Variants in LTBP1 observed in about 807,000 individuals in gnomAD.
LTBP1 encodes latent transforming growth factor beta binding protein 1.
Under a neutral mutation model 207.6 loss-of-function variants are expected in LTBP1, and 129 were observed. That is an observed-to-expected ratio of 0.62 (90% CI 0.54 to 0.72). LTBP1 has a LOEUF of 0.72. Ranked by LOEUF, LTBP1 falls within the 30% of genes least tolerant of loss-of-function variation. The pLI is 0.00. For synonymous variants in LTBP1, 963 were observed against 833.7 expected, an observed-to-expected ratio of 1.16 and a Z score of -2.67; for missense variants, 2,281 against 2,217.2, an observed-to-expected ratio of 1.03 and a Z score of -0.58.
At chr2:33,132,651 C>G (rs2081880813) in intron 4 of LTBP1, among the ~76,000 whole-genome samples, 1 of 152,200 alleles carries the variant, frequency 6.6e-6, no homozygotes, top group East Asian at 1.9e-4. Context: ...TGCTTGGCCA[C>G]TAGGACATCT....
chr2:32,953,075 C>T (rs1191009944), intron 2 of LTBP1, among the ~76,000 whole-genome samples: 1 of 152,210 alleles, frequency 6.6e-6, no homozygotes, highest in African/African-American at 2.4e-5. Context: ...TAGAAAGAAA[C>T]AGAAAATCGA....
At chr2:33,190,244 T>G (rs1476822515) in intron 7 of LTBP1, among the ~76,000 whole-genome samples, 2 of 152,238 alleles carry the variant, frequency 1.3e-5, no homozygotes, top group Non-Finnish European at 2.9e-5. Context: ...GTTTCCCTCC[T>G]GTCTTTTGGT....
rs754413935 is a variant in LTBP1 at position 33,275,808 on chromosome 2, C to T, written c.2877C>T (p.Asp959=). The change falls in exon 18 of 34, where the codon GAC becomes GAT. Residue 959 remains aspartate (D), a synonymous_variant. Coordinates refer to ENST00000404816, the MANE Select transcript of LTBP1 (RefSeq NM_206943.4). ...SEEGTNCIDV[D]ECLRPDVCGE... ...GCTATCTGCTCTTCGTAGATGTTGA[C>T]GAATGCCTGAGGCCGGACGTCTGTG... The T allele has an allele frequency of 2.3e-5, 37 of 1,614,002 alleles. No homozygotes were observed. The highest frequency in any genetic ancestry group is 3.3e-4 in the Middle Eastern group (2 of 6,060).
chr2:33,109,714 C>A (rs1363743515), intron 3 of LTBP1, among the ~76,000 whole-genome samples: 2 of 152,142 alleles, frequency 1.3e-5, no homozygotes, highest in Non-Finnish European at 2.9e-5. Flanking sequence ...TGAGACACAG[C>A]ATAAAAAATT....
At chr2:33,025,436 C>T (rs558325053) in intron 3 of LTBP1, among the ~76,000 whole-genome samples, 1 of 152,102 alleles carries the variant, frequency 6.6e-6, no homozygotes, top group South Asian at 2.1e-4. Context: ...CAAAAAGACA[C>T]AAAATAGAGA....
At chr2:33,365,577 A>G in intron 31 of LTBP1, 74 bp downstream of exon 31, 1 of 1,442,694 alleles carries the variant, frequency 6.9e-7, no homozygotes, top group Non-Finnish European at 9.6e-7. Context: ...GTAGCCTGAC[A>G]TTTCTCTTCT....
chr2:33,160,055 T>G (rs2084325594), intron 5 of LTBP1, among the ~76,000 whole-genome samples: 1 of 152,070 alleles, frequency 6.6e-6, no homozygotes, highest in Non-Finnish European at 1.5e-5. Flanking sequence ...ATTTCTGTAT[T>G]TTTGGTAGAG....
At chr2:33,201,650 GAAAA>G (rs756094725) in intron 7 of LTBP1, among the ~76,000 whole-genome samples, 1 of 146,910 alleles carries the variant, frequency 6.8e-6, no homozygotes, top group Non-Finnish European at 1.5e-5. Context: ...AAAAGAAGAA[GAAAA>G]AAAAAGAAAC....
At chr2:33,206,270 G>C (rs1394867981) in intron 7 of LTBP1, among the ~76,000 whole-genome samples, 1 of 152,142 alleles carries the variant, frequency 6.6e-6, no homozygotes, top group Non-Finnish European at 1.5e-5. Flanking sequence ...GTAATTATTA[G>C]TTTTGAGTTC....
chr2:33,179,883 TG>T (rs2086444291), intron 5 of LTBP1, among the ~76,000 whole-genome samples: 1 of 152,208 alleles, frequency 6.6e-6, no homozygotes, highest in Non-Finnish European at 1.5e-5. Context: ...TTTTACAGAC[TG>T]CCTTATATCC....
chr2:33,000,773 C>T (rs1685971096), intron 2 of LTBP1, among the ~76,000 whole-genome samples: 1 of 133,914 alleles, frequency 7.5e-6, no homozygotes, highest in African/African-American at 2.6e-5. Flanking sequence ...AAACTGTGTT[C>T]TCAGAAACCC....
At chr2:33,095,142 G>C (rs1229509122) in intron 3 of LTBP1, among the ~76,000 whole-genome samples, 1 of 152,076 alleles carries the variant, frequency 6.6e-6, no homozygotes, top group African/African-American at 2.4e-5. Context: ...TTGAATAAAG[G>C]AAATGTGTTT....
chr2:33,132,429 G>A (rs1312422094), intron 4 of LTBP1, among the ~76,000 whole-genome samples: 1 of 152,212 alleles, frequency 6.6e-6, no homozygotes, highest in African/African-American at 2.4e-5. Flanking sequence ...TTGGAACACA[G>A]CCATGCCCAC....
intron 18 of LTBP1, among the ~76,000 whole-genome samples, chr2:33,277,763 T>TTCTTTCTTTCTTTCTTTC (rs1256831904): frequency 3.6e-5 from 1 of 27,806 alleles, no homozygotes; most frequent in African/African-American, 9.1e-5. Flanking sequence ...TTTTTTCCCT[T>TTCTTTCTTTCTTTCTTTC]TCTTTCTTTC....
intron 31 of LTBP1, among the ~76,000 whole-genome samples, chr2:33,374,430 C>T (rs939811580): frequency 1.3e-5 from 2 of 152,110 alleles, no homozygotes; most frequent in South Asian, 4.1e-4. Flanking sequence ...ATCATAGATC[C>T]TGAACATTAT....
chr2:33,197,804 G>A (rs138626806), intron 7 of LTBP1, among the ~76,000 whole-genome samples: 470 of 152,256 alleles, frequency 3.1e-3, no homozygotes, highest in Admixed American at 9.0e-3. Flanking sequence ...CCTGCCCACT[G>A]CCTCGTTGCA....
At chr2:33,058,905 G>T (rs556948584) in intron 3 of LTBP1, among the ~76,000 whole-genome samples, 22 of 152,298 alleles carry the variant, frequency 1.4e-4, no homozygotes, top group African/African-American at 4.3e-4. Context: ...GCAGTGCTGC[G>T]GGAGAGGTTG....
At chr2:33,337,186 G>A (rs2094563124) in intron 24 of LTBP1, among the ~76,000 whole-genome samples, 1 of 152,114 alleles carries the variant, frequency 6.6e-6, no homozygotes, top group Non-Finnish European at 1.5e-5. Flanking sequence ...GAGTGCATGG[G>A]TTCGAGTTCT....
rs200435579 is a variant in LTBP1, at chr2:32,990,352, A to G, written c.566-30557A>G. Reference sequence around the variant, plus strand: ...CAGATGTCAACATAGTGATGACTTTATCTCAAATTACATGGAAGCAAAGCG... The same window carrying G: ...CAGATGTCAACATAGTGATGACTTTGTCTCAAATTACATGGAAGCAAAGCG... On this transcript the variant is annotated intron_variant, in intron 2 of 33. Coordinates refer to ENST00000404816, the MANE Select transcript of LTBP1 (RefSeq NM_206943.4). 2.0e-5 allele frequency among the ~76,000 whole-genome samples: 3 copies of G among 152,222 alleles called. No homozygotes were observed. The East Asian group carries it at 5.8e-4, about 29-fold the overall frequency.
Sources: gnomAD v4.1 joint callset for allele counts (sites outside exome capture counted in the v4.1 genomes callset) on GRCh38, gnomAD v4.1.1 for gene constraint, MANE v1.5 for transcripts, NCBI Gene and HGNC (gene_info 2026-07-23, HGNC 2026-07-21) for gene names.